Variants in LRRFIP1 observed in about 807,000 individuals in gnomAD.
LRRFIP1 encodes LRR binding FLII interacting protein 1.
In LRRFIP1, 62 loss-of-function variants were observed where a neutral mutation model predicts 104.4. The ratio of observed to expected loss-of-function variants is 0.59; its 90% CI spans 0.48 to 0.73. LRRFIP1 has a LOEUF of 0.73. Among genes scored for constraint, LRRFIP1 ranks in the 30% least tolerant of loss-of-function variants. The pLI, the probability that LRRFIP1 is intolerant of heterozygous loss-of-function variation, is 0.00. For missense variants in LRRFIP1, 796 were observed against 824.5 expected (o/e 0.97, Z 0.42); for synonymous variants, 300 against 299.0 (o/e 1.00, Z -0.03).
chr2:237,774,802 AGG>A, intron 23 of LRRFIP1, among the ~76,000 whole-genome samples: 1 of 152,324 alleles, frequency 6.6e-6, no homozygotes, highest in South Asian at 2.1e-4. Context: ...GCCCAGGTGG[AGG>A]ACCAGGAGCC....
chr2:237,778,303 G>A (rs1196848992), intron 23 of LRRFIP1, among the ~76,000 whole-genome samples: 1 of 152,222 alleles, frequency 6.6e-6, no homozygotes, highest in Non-Finnish European at 1.5e-5. Flanking sequence ...TTCCTTGAGT[G>A]TTTTGGGTCG....
intron 15 of LRRFIP1, among the ~76,000 whole-genome samples, chr2:237,754,700 G>C (rs1202482452): frequency 6.6e-6 from 1 of 152,170 alleles, no homozygotes; most frequent in African/African-American, 2.4e-5. Flanking sequence ...AACATTTTAC[G>C]CACAAAGTTC....
intron 18 of LRRFIP1, among the ~76,000 whole-genome samples, chr2:237,759,659 A>G (rs1298220145): frequency 1.3e-5 from 2 of 152,196 alleles, no homozygotes; most frequent in Non-Finnish European, 2.9e-5. Flanking sequence ...CTTTCAGAAC[A>G]TGTATATATT....
At chr2:237,772,462 C>G (rs1018271457) in intron 21 of LRRFIP1, 2 of 464,148 alleles carry the variant, frequency 4.3e-6, no homozygotes, top group Admixed American at 7.4e-5. Flanking sequence ...ATTTACTTTG[C>G]TGGATACAGC....
At chr2:237,744,109 G>A (rs1488986045) in intron 11 of LRRFIP1, among the ~76,000 whole-genome samples, 1 of 152,196 alleles carries the variant, frequency 6.6e-6, no homozygotes, top group Non-Finnish European at 1.5e-5. Flanking sequence ...AACGGGTCTT[G>A]AATTACAAAC....
In LRRFIP1 at chr2:237,763,968, T is replaced by A. The variant is rs766329746; in HGVS notation, c.1459+3763T>A. 16 of 1,614,202 alleles carry A rather than the reference T, an allele frequency of 9.9e-6. No homozygotes were observed. The Middle Eastern group carries it at 4.9e-4, about 50-fold the overall frequency. ...GCAGAAAGTACAGAGAGGTGTGAGA[T>A]GTCAGAACATCCAAGTCAGACCGTC... On this transcript the variant is annotated intron_variant, in intron 19 of 23. Coordinates refer to ENST00000308482, the MANE Select transcript of LRRFIP1 (RefSeq NM_001137550.2).
At chr2:237,701,552 C>G (rs1024567756) in intron 1 of LRRFIP1, among the ~76,000 whole-genome samples, 3 of 152,242 alleles carry the variant, frequency 2.0e-5, no homozygotes, top group Non-Finnish European at 4.4e-5. Context: ...CCAGCCTGAG[C>G]CGGGCTGTCC....
At position 237,774,451 on chromosome 2, in the gene LRRFIP1, C is replaced by G. The variant is rs754589689; in HGVS notation, c.1801C>G (p.Leu601Val). The change falls in exon 23 of 24, where the codon CTC becomes GTC. Residue 601 changes from leucine (L) to valine (V), a missense_variant. Coordinates refer to ENST00000308482, the MANE Select transcript of LRRFIP1 (RefSeq NM_001137550.2). ...EDELKAEKRK[L>V]QRELRSALDK... is the part of the protein sequence containing the mutation. ...TGAACTTAAGGCAGAAAAACGGAAA[C>G]TCCAAAGAGAGGTAAATTTCCTAGG... is the stretch of plus-strand genomic sequence containing the variant. The G allele has an allele frequency of 3.1e-6, 5 of 1,610,430 alleles. No homozygotes were observed. The highest frequency in any genetic ancestry group is 4.2e-6 in the Non-Finnish European group (5 of 1,177,538).
intron 23 of LRRFIP1, among the ~76,000 whole-genome samples, chr2:237,775,646 A>C (rs556859478): frequency 9.4e-4 from 143 of 152,314 alleles, no homozygotes; most frequent in Admixed American, 2.9e-3. Context: ...AGTGTGGGCA[A>C]CATAGTGAAA....
chr2:237,697,401 A>G (rs1575572014), intron 1 of LRRFIP1, among the ~76,000 whole-genome samples: 1 of 152,338 alleles, frequency 6.6e-6, no homozygotes. Context: ...CTATTTTTGT[A>G]CCATGCTAAA....
intron 1 of LRRFIP1, among the ~76,000 whole-genome samples, chr2:237,653,132 G>A (rs1334993835): frequency 1.3e-5 from 2 of 152,258 alleles, no homozygotes; most frequent in East Asian, 3.9e-4. Context: ...TATAGCCTGT[G>A]GAACTGTGAA....
rs144511612 is a variant in LRRFIP1, at chr2:237,674,861, C to T, written c.97-33683C>T. Reference sequence around the variant, plus strand: ...CTGTCAGTATTTGGTGGAATAAGGACGTGCACGCACGTGCTGGCTGTTGAA... The same window carrying T: ...CTGTCAGTATTTGGTGGAATAAGGATGTGCACGCACGTGCTGGCTGTTGAA... On this transcript the variant is annotated intron_variant, in intron 1 of 23. Coordinates refer to ENST00000308482, the MANE Select transcript of LRRFIP1 (RefSeq NM_001137550.2). 3.4e-3 allele frequency among the ~76,000 whole-genome samples: 514 copies of T among 152,362 alleles called. 10 individuals are homozygous for T. The East Asian group carries it at 0.047, about 14-fold the overall frequency.
intron 8 of LRRFIP1, among the ~76,000 whole-genome samples, chr2:237,733,007 T>C (rs2150348353): frequency 6.6e-6 from 1 of 152,334 alleles, no homozygotes; most frequent in South Asian, 2.1e-4. Context: ...ACGTCCTATT[T>C]GGAGGTTGAA....
Position 237,648,506 on chromosome 2 carries a change from T to A in LRRFIP1, c.96+20766T>A, listed in dbSNP as rs2085346687. Among the ~76,000 whole-genome samples, 2 of 150,842 alleles carry A rather than the reference T, an allele frequency of 1.3e-5. 1 individual carries two copies. Among genetic ancestry groups the A allele is most frequent in the Admixed American group, 1.3e-4 (2 of 15,170 alleles). On this transcript the variant is annotated intron_variant, in intron 1 of 23. Transcript: ENST00000308482. Reference sequence around the variant, plus strand: ...GCTTTGGGAGGCCAAGGTGGGAGGATCCCTTGAGGCCAGGAGTTTGAGACC... The same window carrying A: ...GCTTTGGGAGGCCAAGGTGGGAGGAACCCTTGAGGCCAGGAGTTTGAGACC...
chr2:237,669,938 T>C (rs1020755625), intron 1 of LRRFIP1, among the ~76,000 whole-genome samples: 5 of 152,196 alleles, frequency 3.3e-5, no homozygotes, highest in Non-Finnish European at 5.9e-5. Context: ...AGTCAACTTC[T>C]GGCAAAAGAT....
intron 7 of LRRFIP1, among the ~76,000 whole-genome samples, chr2:237,724,192 G>A (rs1197975284): frequency 6.6e-6 from 1 of 151,958 alleles, no homozygotes; most frequent in Non-Finnish European, 1.5e-5. Flanking sequence ...CTAAAAGTCT[G>A]TCAGTGTTAT....
chr2:237,629,025 C>G (rs1311865521), intron 1 of LRRFIP1, among the ~76,000 whole-genome samples: 1 of 152,202 alleles, frequency 6.6e-6, no homozygotes, highest in Non-Finnish European at 1.5e-5. Flanking sequence ...CTCCCTGGCT[C>G]CACGGCCCTC....
At chr2:237,712,637 G>A (rs1353187817) in intron 2 of LRRFIP1, among the ~76,000 whole-genome samples, 2 of 151,890 alleles carry the variant, frequency 1.3e-5, no homozygotes, top group African/African-American at 2.4e-5. Flanking sequence ...GTGTGTGTGC[G>A]TGTGCATGTG....
chr2:237,720,808 C>T lies in LRRFIP1; in HGVS notation c.331C>T (p.Arg111Cys), dbSNP rs146643693. 193 of 1,613,906 alleles carry T rather than the reference C, an allele frequency of 1.2e-4. 1 individual carries two copies. Among genetic ancestry groups the T allele is most frequent in the Non-Finnish European group, 2.5e-5 (29 of 1,179,942 alleles). ...AGACGAGCGCATGTCAGTGGGTAGT[C>T]GTGGAAGCCTGAGGGTCAGTAACCA... The part of the protein sequence containing the change: ...DEDERMSVGS[R>C]GSLRSQPDLE... Residue 111 changes from arginine to cysteine, a missense_variant, in exon 6 of 24, where the codon CGT becomes TGT. Physicochemically the swap from Arg to Cys is radical, Grantham distance 180 (BLOSUM62 -3). Transcript: ENST00000308482.
Sources: gnomAD v4.1 joint callset for allele counts (sites outside exome capture counted in the v4.1 genomes callset) on GRCh38, gnomAD v4.1.1 for gene constraint, MANE v1.5 for transcripts, NCBI Gene and HGNC (gene_info 2026-07-23, HGNC 2026-07-21) for gene names.